The following SLC9A2 variants were observed in gnomAD, a reference collection of about 807,000 sequenced individuals.
SLC9A2 encodes the protein solute carrier family 9 member A2.
Under a neutral mutation model 71.7 loss-of-function variants are expected in SLC9A2, and 42 were observed. That is an observed-to-expected ratio of 0.59 (90% CI 0.46 to 0.76). The LOEUF is 0.76. Ranked by LOEUF, SLC9A2 falls within the 30% of genes least tolerant of loss-of-function variation. The pLI is 0.00. For synonymous variants in SLC9A2, 396 were observed against 392.5 expected, an observed-to-expected ratio of 1.01 and a Z score of -0.10; for missense variants, 829 against 1,017.4, an observed-to-expected ratio of 0.81 and a Z score of 2.52.
intron 1 of SLC9A2, among the ~76,000 whole-genome samples, chr2:102,632,027 T>C (rs1326328080): frequency 0.021 from 1,619 of 76,906 alleles, 183 homozygotes; most frequent in African/African-American, 0.063. Flanking sequence ...TATATATATA[T>C]ATATATATAT....
At chr2:102,641,121 G>T (rs1676571626) in intron 1 of SLC9A2, among the ~76,000 whole-genome samples, 1 of 152,116 alleles carries the variant, frequency 6.6e-6, no homozygotes, top group Non-Finnish European at 1.5e-5. Context: ...AATAAAACTT[G>T]CGCCAGCCCT....
At chr2:102,665,517 G>A (rs147243442) in intron 3 of SLC9A2, among the ~76,000 whole-genome samples, 167 bp downstream of exon 3, 4,218 of 152,198 alleles carry the variant, frequency 0.028, 83 homozygotes, top group Non-Finnish European at 0.04. Flanking sequence ...GCTCACGCCT[G>A]TAATCCCAGC....
intron 5 of SLC9A2, among the ~76,000 whole-genome samples, chr2:102,684,833 T>G (rs1677518760): frequency 1.3e-5 from 2 of 152,212 alleles, no homozygotes. Flanking sequence ...AGATGCCAAC[T>G]CTTAGAAGAT....
At position 102,708,051 on chromosome 2, in the gene SLC9A2, G is replaced by T. The variant is rs898673555; in HGVS notation, c.2069-68G>T. 17 of 1,528,610 alleles carry T rather than the reference G, an allele frequency of 1.1e-5. No individual in the cohort carries two copies. The African/African-American group carries it at 2.2e-4, about 20-fold the overall frequency. The allele number at this position is 1,528,610 out of a possible 1,614,324, so 94.7% of individuals were successfully genotyped here. A position where few individuals can be genotyped will look rare whatever the true frequency, so the allele number is the denominator to read the frequency against. ...CGTATCAGTTGCCTGACTCACTAAG[G>T]TACTGAAGTTACTTGCAATGCCTTC... On this transcript the variant is annotated intron_variant, in intron 11 of 11. Transcript: ENST00000233969.
rs959130522 is a variant in SLC9A2, at chr2:102,706,865, T to C, written c.2068+929T>C. On this transcript the variant is annotated intron_variant, in intron 11 of 11. Transcript: ENST00000233969. ...ATAACTATAAAGCTTTGTTATAATG[T>C]CTAATATCTTTTTAATGTGATGGTT... 2.0e-5 allele frequency among the ~76,000 whole-genome samples: 3 copies of C among 152,226 alleles called. No individual in the cohort carries two copies. In the South Asian group the frequency reaches 6.2e-4, roughly 32 times the overall value.
At chr2:102,656,673 C>A (rs1306015011) in intron 1 of SLC9A2, among the ~76,000 whole-genome samples, 1 of 152,080 alleles carries the variant, frequency 6.6e-6, no homozygotes, top group South Asian at 2.1e-4. Context: ...AAGAATCAGA[C>A]GTTAAAAATA....
chr2:102,624,087 T>C (rs1676196544), intron 1 of SLC9A2, among the ~76,000 whole-genome samples: 1 of 152,134 alleles, frequency 6.6e-6, no homozygotes, highest in Non-Finnish European at 1.5e-5. Context: ...AAAAGTAGTT[T>C]TGTAATTATA....
chr2:102,690,114 A>C (rs1677629833), intron 5 of SLC9A2, among the ~76,000 whole-genome samples: 1 of 152,192 alleles, frequency 6.6e-6, no homozygotes, highest in East Asian at 1.9e-4. Context: ...CTGAACCCTG[A>C]AACATAGCAA....
chr2:102,699,878 T>A (rs888973932), intron 7 of SLC9A2, among the ~76,000 whole-genome samples: 4 of 152,114 alleles, frequency 2.6e-5, no homozygotes, highest in Non-Finnish European at 5.9e-5. Context: ...CCTCTCTCTG[T>A]ATGTTTTGGA....
chr2:102,640,157 C>T (rs1433988381), intron 1 of SLC9A2, among the ~76,000 whole-genome samples: 2 of 152,192 alleles, frequency 1.3e-5, no homozygotes, highest in Non-Finnish European at 2.9e-5. Flanking sequence ...GGAAACGAGC[C>T]AGCTCAGAGG....
intron 3 of SLC9A2, among the ~76,000 whole-genome samples, chr2:102,666,682 T>C (rs77491538): frequency 0.016 from 2,438 of 152,318 alleles, 74 homozygotes; most frequent in African/African-American, 0.055. Flanking sequence ...AGGATCACTT[T>C]GAAGGAGGCG....
At chr2:102,684,968 T>G (rs1027523529) in intron 5 of SLC9A2, among the ~76,000 whole-genome samples, 11 of 151,936 alleles carry the variant, frequency 7.2e-5, no homozygotes, top group African/African-American at 2.7e-4. Flanking sequence ...TTCAGAGGGG[T>G]TGGTAGCACT....
At chr2:102,675,950 A>G (rs1401916258) in intron 3 of SLC9A2, among the ~76,000 whole-genome samples, 3 of 152,218 alleles carry the variant, frequency 2.0e-5, no homozygotes, top group Non-Finnish European at 2.9e-5. Flanking sequence ...ACAGAATCCC[A>G]GGCCTCAGCC....
chr2:102,680,423 C>T (rs547905158), intron 3 of SLC9A2, among the ~76,000 whole-genome samples: 2 of 152,166 alleles, frequency 1.3e-5, no homozygotes, highest in South Asian at 2.1e-4. Flanking sequence ...GGAGTGCTGG[C>T]GAGATGCCCG....
chr2:102,664,363 G>T (rs1286383820), intron 2 of SLC9A2, among the ~76,000 whole-genome samples: 1 of 151,344 alleles, frequency 6.6e-6, no homozygotes, highest in Non-Finnish European at 1.5e-5. Flanking sequence ...CAAAATGTAA[G>T]ATAAATCTAT....
chr2:102,706,827 A>G (rs1384943917), intron 11 of SLC9A2, among the ~76,000 whole-genome samples: 2 of 152,208 alleles, frequency 1.3e-5, no homozygotes, highest in South Asian at 2.1e-4. Flanking sequence ...GCAGCCATAT[A>G]TTTATTCTGG....
intron 3 of SLC9A2, among the ~76,000 whole-genome samples, chr2:102,675,533 G>C (rs2104533681): frequency 6.6e-6 from 1 of 152,270 alleles, no homozygotes; most frequent in Admixed American, 6.5e-5. Flanking sequence ...CTGACTGGCT[G>C]TCCTAGGGCT....
rs1558701306 is a variant in SLC9A2, at chr2:102,632,043, C to CACAT, written c.289+11909_289+11910insTACA. Among the ~76,000 whole-genome samples, 29 of 91,880 alleles carry CACAT rather than the reference C, an allele frequency of 3.2e-4. 1 individual carries two copies. The highest frequency in any genetic ancestry group is 2.1e-3 in the African/African-American group (27 of 13,022). The allele number at this position is 91,880 out of a possible 152,430, so 60.3% of individuals were successfully genotyped here. ...ATATATATATATATATATATACATA[C>CACAT]ACACACACATATATATACACACACA... On this transcript the variant is annotated intron_variant, in intron 1 of 11. Coordinates refer to ENST00000233969, the MANE Select transcript of SLC9A2 (RefSeq NM_003048.6).
chr2:102,663,341 T>A (rs747926059), intron 2 of SLC9A2, among the ~76,000 whole-genome samples: 20 of 152,212 alleles, frequency 1.3e-4, no homozygotes, highest in Non-Finnish European at 2.5e-4. Context: ...AATAATCCAC[T>A]ATTTTTCAAA....
Sources: gnomAD v4.1 joint callset for allele counts (sites outside exome capture counted in the v4.1 genomes callset) on GRCh38, gnomAD v4.1.1 for gene constraint, MANE v1.5 for transcripts, NCBI Gene and HGNC (gene_info 2026-07-23, HGNC 2026-07-21) for gene names.